Variants in DIAPH3 observed in about 807,000 individuals in gnomAD.
DIAPH3 encodes the protein protein diaphanous homolog 3.
Under a neutral mutation model 144.3 loss-of-function variants are expected in DIAPH3, and 117 were observed. The observed-to-expected ratio is 0.81, with a 90% CI of 0.70 to 0.95. The LOEUF (loss-of-function observed/expected upper bound fraction) is 0.95, where lower values mean the gene tolerates loss of function less well. Among genes scored for constraint, DIAPH3 ranks in the 40% least tolerant of loss-of-function variants. DIAPH3 has a pLI of 0.00. For missense variants in DIAPH3, 1,421 were observed against 1,412.7 expected (o/e 1.01, Z -0.09); for synonymous variants, 519 against 488.9 (o/e 1.06, Z -0.81).
chr13:59,787,919 G>A (rs2039121478), intron 25 of DIAPH3, among the ~76,000 whole-genome samples: 1 of 152,198 alleles, frequency 6.6e-6, no homozygotes, highest in African/African-American at 2.4e-5. Context: ...CTTCCACAAT[G>A]TGAGGACACA....
At chr13:60,096,589 C>G (rs986624790) in intron 3 of DIAPH3, among the ~76,000 whole-genome samples, 2 of 152,192 alleles carry the variant, frequency 1.3e-5, no homozygotes, top group Non-Finnish European at 2.9e-5. Flanking sequence ...AATCATTGGA[C>G]TGTAAGTCAG....
chr13:59,905,259 C>G (rs917401199), intron 20 of DIAPH3, among the ~76,000 whole-genome samples: 1 of 140,412 alleles, frequency 7.1e-6, no homozygotes, highest in South Asian at 2.4e-4. Context: ...AGGAGAATGG[C>G]GTGAACCCGG....
At chr13:60,015,620 G>A (rs2053587018) in intron 7 of DIAPH3, among the ~76,000 whole-genome samples, 1 of 151,852 alleles carries the variant, frequency 6.6e-6, no homozygotes, top group South Asian at 2.1e-4. Context: ...AAGGGTGGTG[G>A]GTGGAGAGAA....
At chr13:60,135,998 G>C (rs958754268) in intron 1 of DIAPH3, among the ~76,000 whole-genome samples, 1 of 152,104 alleles carries the variant, frequency 6.6e-6, no homozygotes, top group Admixed American at 6.6e-5. Context: ...GTTTATCATT[G>C]AAAGTTTACA....
At chr13:59,772,046 A>G (rs2038151389) in intron 27 of DIAPH3, among the ~76,000 whole-genome samples, 1 of 152,120 alleles carries the variant, frequency 6.6e-6, no homozygotes, top group Non-Finnish European at 1.5e-5. Context: ...ATCAATTTTA[A>G]GTATATAAAA....
intron 2 of DIAPH3, 92 bp from the exon 3 acceptor site, chr13:60,112,278 C>T (rs998927869): frequency 4.2e-6 from 6 of 1,416,044 alleles, no homozygotes; most frequent in South Asian, 3.5e-5. Flanking sequence ...GAGGGCCAAT[C>T]GTGTTATCAT....
At chr13:59,991,337 G>C in intron 11 of DIAPH3, 63 bp from the exon 12 acceptor site, 1 of 1,149,164 alleles carries the variant, frequency 8.7e-7, no homozygotes, top group Middle Eastern at 2.0e-4. Flanking sequence ...ATAATAATAT[G>C]ACAGAATTTG....
At chr13:59,806,773 GTTT>G (rs1173411884) in intron 25 of DIAPH3, among the ~76,000 whole-genome samples, 5 of 151,514 alleles carry the variant, frequency 3.3e-5, no homozygotes, top group African/African-American at 9.7e-5. Context: ...GCTATATTTC[GTTT>G]TTTACCAATA....
intron 5 of DIAPH3, among the ~76,000 whole-genome samples, chr13:60,026,799 G>A (rs2054406469): frequency 6.6e-6 from 1 of 151,722 alleles, no homozygotes; most frequent in Non-Finnish European, 1.5e-5. Flanking sequence ...TCTTGATTTT[G>A]CTTTTGCATA....
chr13:59,886,575 C>A (rs1047483319), intron 20 of DIAPH3, among the ~76,000 whole-genome samples: 1 of 151,868 alleles, frequency 6.6e-6, no homozygotes, highest in Admixed American at 6.6e-5. Context: ...TTAACAATAC[C>A]AACTCTTCCA....
chr13:60,051,055 CT>C (rs2056320560), intron 4 of DIAPH3, among the ~76,000 whole-genome samples: 1 of 152,144 alleles, frequency 6.6e-6, no homozygotes, highest in Non-Finnish European at 1.5e-5. Context: ...CTACTGATCA[CT>C]GTGACCTTGA....
chr13:59,691,138 A>G (rs1172520448), intron 27 of DIAPH3, among the ~76,000 whole-genome samples: 1 of 152,148 alleles, frequency 6.6e-6, no homozygotes, highest in Non-Finnish European at 1.5e-5. Context: ...GATGGCAGCA[A>G]CACACAGGAA....
intron 25 of DIAPH3, among the ~76,000 whole-genome samples, chr13:59,789,265 G>T (rs1364924346): frequency 6.6e-6 from 1 of 152,182 alleles, no homozygotes; most frequent in Non-Finnish European, 1.5e-5. Context: ...GGAGGAAAAG[G>T]TTAATTACAT....
intron 5 of DIAPH3, among the ~76,000 whole-genome samples, chr13:60,019,821 G>A (rs1327013952): frequency 2.6e-5 from 4 of 152,126 alleles, no homozygotes; most frequent in African/African-American, 9.7e-5. Flanking sequence ...TTGAGCAATA[G>A]AGGCAACAAT....
chr13:59,901,030 C>T (rs1293154871), intron 20 of DIAPH3, among the ~76,000 whole-genome samples: 4 of 152,192 alleles, frequency 2.6e-5, no homozygotes, highest in Non-Finnish European at 4.4e-5. Context: ...TGCTGCTAAG[C>T]CTGTCAAACT....
At chr13:59,848,600 AATG>A (rs2042805241) in intron 22 of DIAPH3, among the ~76,000 whole-genome samples, 1 of 132,272 alleles carries the variant, frequency 7.6e-6, no homozygotes, top group Non-Finnish European at 1.6e-5. Context: ...GTTTACTGAG[AATG>A]ATGATTTCCA....
chr13:59,799,125 A>G (rs1476525576), intron 25 of DIAPH3, among the ~76,000 whole-genome samples: 1 of 152,064 alleles, frequency 6.6e-6, no homozygotes, highest in African/African-American at 2.4e-5. Flanking sequence ...GAGAAATCCA[A>G]TTGTTCTATT....
intron 27 of DIAPH3, among the ~76,000 whole-genome samples, chr13:59,691,910 G>A (rs953465390): frequency 3.3e-5 from 5 of 152,140 alleles, no homozygotes; most frequent in Admixed American, 1.3e-4. Flanking sequence ...AAATAATCCT[G>A]ACTCTTCAGT....
intron 5 of DIAPH3, among the ~76,000 whole-genome samples, chr13:60,022,991 G>T (rs1057491293): frequency 3.3e-5 from 5 of 152,154 alleles, no homozygotes; most frequent in Middle Eastern, 3.4e-3. Context: ...GAGGGTTTTG[G>T]TTTTGTTTTG....
Sources: allele counts gnomAD v4.1 joint callset (sites outside exome capture counted in the v4.1 genomes callset), GRCh38; gene constraint gnomAD v4.1.1; transcripts MANE v1.5; gene names NCBI Gene and HGNC (gene_info 2026-07-23, HGNC 2026-07-21).